Variants in AHCYL2 observed in about 807,000 individuals in gnomAD.
AHCYL2 encodes the protein adenosylhomocysteinase like 2, also known as S-adenosylhomocysteine hydrolase-like protein 2.
Under a neutral mutation model 81.4 loss-of-function variants are expected in AHCYL2, and 28 were observed. The ratio of observed to expected loss-of-function variants is 0.34; its 90% CI spans 0.25 to 0.47. The LOEUF (loss-of-function observed/expected upper bound fraction) is 0.47, where lower values mean the gene tolerates loss of function less well. Ranked by LOEUF, AHCYL2 falls within the 20% of genes least tolerant of loss-of-function variation. The pLI is 1.00. For synonymous variants in AHCYL2, 272 were observed against 290.2 expected, an observed-to-expected ratio of 0.94 and a Z score of 0.64; for missense variants, 551 against 785.1, an observed-to-expected ratio of 0.70 and a Z score of 3.56.
At chr7:129,272,291 C>T (rs552880279) in intron 1 of AHCYL2, among the ~76,000 whole-genome samples, 1 of 152,300 alleles carries the variant, frequency 6.6e-6, no homozygotes, top group East Asian at 1.9e-4. Flanking sequence ...TAGTTATCCT[C>T]AATCAATGGA....
rs911612457 is a variant in AHCYL2, at chr7:129,428,385, AC to A, written c.*1343del. On this transcript the variant is annotated 3_prime_UTR_variant, in exon 17 of 17. Coordinates refer to ENST00000325006, the MANE Select transcript of AHCYL2 (RefSeq NM_015328.4). ...TGGGCAGCGTGACATTTTATGTCCCACCCAAAAATTGGATTCCTTTTGGAGA... is the reference window on the plus strand; with the variant it reads ...TGGGCAGCGTGACATTTTATGTCCCACCAAAAATTGGATTCCTTTTGGAGA... 1 of 152,194 alleles carries A rather than the reference AC, an allele frequency of 6.6e-6. No individual in the cohort carries two copies. Among genetic ancestry groups the A allele is most frequent in the African/African-American group, 2.4e-5 (1 of 41,436 alleles). The allele number at this position is 152,194 out of a possible 1,614,324, so 9.4% of individuals were successfully genotyped here. A position where few individuals can be genotyped will look rare whatever the true frequency, so the allele number is the denominator to read the frequency against.
At chr7:129,395,614 A>G (rs953175230) in intron 4 of AHCYL2, among the ~76,000 whole-genome samples, 1 of 152,176 alleles carries the variant, frequency 6.6e-6, no homozygotes, top group African/African-American at 2.4e-5. Flanking sequence ...ATCTTTGCCT[A>G]GTCCCTAATG....
intron 1 of AHCYL2, among the ~76,000 whole-genome samples, chr7:129,251,767 T>C (rs933669903): frequency 5.3e-5 from 8 of 152,188 alleles, no homozygotes; most frequent in African/African-American, 1.4e-4. Context: ...GTAACTCATA[T>C]AGTTTGATAA....
At chr7:129,359,294 C>G (rs1035914181) in intron 1 of AHCYL2, among the ~76,000 whole-genome samples, 3 of 152,112 alleles carry the variant, frequency 2.0e-5, no homozygotes, top group Admixed American at 6.5e-5. Context: ...ATAGGCAGAA[C>G]TGATCAGTGG....
intron 1 of AHCYL2, among the ~76,000 whole-genome samples, chr7:129,240,202 C>CA (rs1281452935): frequency 2.0e-5 from 3 of 150,598 alleles, no homozygotes; most frequent in South Asian, 2.1e-4. Context: ...GCAACATGAG[C>CA]AAAAAAAATC....
chr7:129,341,286 T>G (rs1229285334), intron 1 of AHCYL2, among the ~76,000 whole-genome samples: 1 of 152,116 alleles, frequency 6.6e-6, no homozygotes, highest in Non-Finnish European at 1.5e-5. Context: ...CACAAATATA[T>G]GGAGAAACTA....
chr7:129,321,766 G>GTTTTTTTTTTTTTTTTTTTTTTTTT (rs1315391980), intron 1 of AHCYL2, among the ~76,000 whole-genome samples: 18 of 107,474 alleles, frequency 1.7e-4, no homozygotes, highest in East Asian at 8.7e-4. Flanking sequence ...TTTTTTTTTG[G>GTTTTTTTTTTTTTTTTTTTTTTTTT]TCTTGGTTTT....
intron 2 of AHCYL2, among the ~76,000 whole-genome samples, chr7:129,382,290 T>G (rs1030259410): frequency 1.3e-5 from 2 of 152,222 alleles, no homozygotes; most frequent in Non-Finnish European, 2.9e-5. Context: ...GGGCCCATTT[T>G]CAGCATATGT....
At chr7:129,286,556 G>A (rs2150745684) in intron 1 of AHCYL2, among the ~76,000 whole-genome samples, 1 of 152,280 alleles carries the variant, frequency 6.6e-6, no homozygotes, top group Admixed American at 6.5e-5. Context: ...CACCTCCTGG[G>A]CTCAAGTGAT....
At chr7:129,272,085 T>A (rs1796040910) in intron 1 of AHCYL2, among the ~76,000 whole-genome samples, 1 of 152,184 alleles carries the variant, frequency 6.6e-6, no homozygotes, top group South Asian at 2.1e-4. Context: ...ATTTGAACAT[T>A]CTCTTTTGGA....
chr7:129,346,362 G>A (rs967237859), intron 1 of AHCYL2, among the ~76,000 whole-genome samples: 16 of 152,052 alleles, frequency 1.1e-4, no homozygotes, highest in African/African-American at 3.1e-4. Context: ...AACCACAGAC[G>A]GAGAGAAAAT....
intron 11 of AHCYL2, among the ~76,000 whole-genome samples, chr7:129,412,154 C>A (rs1796612020): frequency 1.3e-5 from 2 of 152,046 alleles, no homozygotes; most frequent in South Asian, 2.1e-4. Flanking sequence ...TTCAGACCAG[C>A]CTGGGCAACA....
At chr7:129,339,003 T>G (rs905409609) in intron 1 of AHCYL2, among the ~76,000 whole-genome samples, 6 of 152,200 alleles carry the variant, frequency 3.9e-5, no homozygotes, top group African/African-American at 1.4e-4. Flanking sequence ...ATAGAAGCTA[T>G]TAAGACTTTC....
chr7:129,357,912 T>C (rs1188442794), intron 1 of AHCYL2, among the ~76,000 whole-genome samples: 1 of 136,572 alleles, frequency 7.3e-6, no homozygotes, highest in Non-Finnish European at 1.6e-5. Context: ...CCAGCCTGGG[T>C]GACAGGGCGA....
intron 1 of AHCYL2, among the ~76,000 whole-genome samples, chr7:129,305,286 C>A (rs1797400350): frequency 6.6e-6 from 1 of 152,004 alleles, no homozygotes. Flanking sequence ...AAGGTGAAAC[C>A]CCGTCTCTAC....
chr7:129,403,981 T>G (rs1796175172), intron 7 of AHCYL2, among the ~76,000 whole-genome samples: 1 of 151,170 alleles, frequency 6.6e-6, no homozygotes, highest in African/African-American at 2.4e-5. Context: ...CTCTCTTGTT[T>G]TTTTTTTTTA....
chr7:129,419,558 A>G lies in AHCYL2; in HGVS notation c.1462-3282A>G, dbSNP rs893739774. ...GACAGAGTGAGACTCCGTCTCAGAAAAAAGCAGACCTGCTTACCCATGTGT... is the reference window on the plus strand; with the variant it reads ...GACAGAGTGAGACTCCGTCTCAGAAGAAAGCAGACCTGCTTACCCATGTGT... On this transcript the variant is annotated intron_variant, in intron 12 of 16. Coordinates refer to ENST00000325006, the MANE Select transcript of AHCYL2 (RefSeq NM_015328.4). The surrounding 1 kb of genome is among the most constrained non-coding windows in gnomAD (Gnocchi z 4.7). Among the ~76,000 whole-genome samples the G allele has an allele frequency of 6.6e-6, 1 of 152,152 alleles. No homozygotes were observed. The highest frequency in any genetic ancestry group is 1.5e-5 in the Non-Finnish European group (1 of 68,030).
chr7:129,232,737 C>A (rs1307506912), intron 1 of AHCYL2, among the ~76,000 whole-genome samples: 1 of 152,218 alleles, frequency 6.6e-6, no homozygotes, highest in African/African-American at 2.4e-5. Flanking sequence ...GCAACAGTGG[C>A]AAGTGTTAGC....
chr7:129,368,483 C>T lies in AHCYL2; in HGVS notation c.364-11155C>T. 6.2e-7 allele frequency: 1 copy of T among 1,613,970 alleles called. No homozygotes were observed. The highest frequency in any genetic ancestry group is 8.5e-7 in the Non-Finnish European group (1 of 1,179,868). ...CTTTTGCTTCAGGACATATCTTACC[C>T]AAGCCTGCACTATGGAGAAGTGGGA... On this transcript the variant is annotated intron_variant, in intron 1 of 16. Transcript: ENST00000325006. This position sits in a 1 kb window ranked among gnomAD's most constrained non-coding sequence, Gnocchi z 4.4.
Sources: allele counts gnomAD v4.1 joint callset (sites outside exome capture counted in the v4.1 genomes callset), GRCh38; gene constraint gnomAD v4.1.1; non-coding constraint Gnocchi (gnomAD v3.1); transcripts MANE v1.5; gene names NCBI Gene and HGNC (gene_info 2026-07-23, HGNC 2026-07-21).